Variants in IL1RAPL1 observed in about 807,000 individuals in gnomAD.
The protein encoded by IL1RAPL1 is interleukin-1 receptor accessory protein-like 1.
IL1RAPL1 carries 3 observed loss-of-function variants against 48.4 expected under a neutral mutation model. The ratio of observed to expected loss-of-function variants is 0.06; its 90% CI spans 0.03 to 0.16. The LOEUF (loss-of-function observed/expected upper bound fraction) is 0.16. Among genes scored for constraint, IL1RAPL1 ranks in the 10% least tolerant of loss-of-function variants. The pLI, the probability that IL1RAPL1 is intolerant of heterozygous loss-of-function variation, is 1.00. For missense variants in IL1RAPL1, 349 were observed against 530.6 expected (o/e 0.66, Z 3.36); for synonymous variants, 185 against 187.7 (o/e 0.99, Z 0.12).
intron 5 of IL1RAPL1, among the ~76,000 whole-genome samples, chrX:29,662,932 C>T (rs1438961932): frequency 8.9e-6 from 1 of 111,761 alleles, no homozygotes; most frequent in Non-Finnish European, 1.9e-5. Flanking sequence ...TGTTGCCAAC[C>T]CCAAAGCATT....
At chrX:29,920,815 AAAAGAAAAGAAAAG>A (rs1932840924) in intron 8 of IL1RAPL1, among the ~76,000 whole-genome samples, 1 of 98,686 alleles carries the variant, frequency 1.0e-5, no homozygotes, top group Non-Finnish European at 2.0e-5. Flanking sequence ...AAAAAAAAAA[AAAAGAAAAGAAAAG>A]AAAGAAAAGA....
chrX:29,352,611 AC>A (rs1025269839), intron 3 of IL1RAPL1, among the ~76,000 whole-genome samples: 1 of 53,883 alleles, frequency 1.9e-5, no homozygotes, highest in Non-Finnish European at 3.6e-5. Context: ...CCAAGCCCCC[AC>A]CCCCCATCCC....
intron 1 of IL1RAPL1, among the ~76,000 whole-genome samples, chrX:28,775,901 G>A (rs980950459): frequency 8.9e-6 from 1 of 112,060 alleles, no homozygotes; most frequent in Non-Finnish European, 1.9e-5. Flanking sequence ...CTAAGTTACA[G>A]ACAACTTCTT....
At chrX:29,934,448 T>C (rs1932996077) in intron 8 of IL1RAPL1, among the ~76,000 whole-genome samples, 1 of 112,133 alleles carries the variant, frequency 8.9e-6, no homozygotes, top group Admixed American at 9.5e-5. Context: ...AATACAAAGG[T>C]AATCAACCTG....
chrX:29,178,968 T>C (rs1225519296), intron 2 of IL1RAPL1, among the ~76,000 whole-genome samples: 1 of 112,055 alleles, frequency 8.9e-6, no homozygotes, highest in African/African-American at 3.2e-5. Context: ...TCTGTTTTGA[T>C]ACCAGTACCA....
intron 6 of IL1RAPL1, among the ~76,000 whole-genome samples, chrX:29,696,784 A>T (rs1436543269): frequency 3.6e-5 from 4 of 110,094 alleles, no homozygotes; most frequent in Non-Finnish European, 7.6e-5. Context: ...AATAATAACA[A>T]TCGCCTTTTT....
At chrX:29,704,686 A>C (rs1213269361) in intron 6 of IL1RAPL1, among the ~76,000 whole-genome samples, 2 of 111,586 alleles carry the variant, frequency 1.8e-5, no homozygotes, top group East Asian at 5.6e-4. Flanking sequence ...AAAGAAAAAA[A>C]AGAAATAGAA....
chrX:28,986,822 A>G (rs956273609), intron 2 of IL1RAPL1, among the ~76,000 whole-genome samples: 3 of 112,163 alleles, frequency 2.7e-5, no homozygotes, highest in Non-Finnish European at 5.6e-5. Context: ...AGTATAGTCA[A>G]TTGGTATTAT....
intron 2 of IL1RAPL1, among the ~76,000 whole-genome samples, chrX:28,995,777 AAAAG>A (rs750513972): frequency 9.0e-6 from 1 of 110,795 alleles, no homozygotes; most frequent in Non-Finnish European, 1.9e-5. Flanking sequence ...GGTAGTGGCA[AAAAG>A]AAAGAATGTC....
chrX:29,190,462 G>T (rs1391142640), intron 2 of IL1RAPL1, among the ~76,000 whole-genome samples: 1 of 112,028 alleles, frequency 8.9e-6, no homozygotes, highest in African/African-American at 3.2e-5. Flanking sequence ...AACTTATGTT[G>T]GTGTTAAGGA....
chrX:28,910,773 TAAAA>T (rs1215950499), intron 2 of IL1RAPL1, among the ~76,000 whole-genome samples: 6 of 102,489 alleles, frequency 5.9e-5, no homozygotes, highest in African/African-American at 2.1e-4. Flanking sequence ...GTAGCTGCAT[TAAAA>T]AAAAAAACAC....
At chrX:29,143,235 A>G (rs1215580884) in intron 2 of IL1RAPL1, among the ~76,000 whole-genome samples, 3 of 111,329 alleles carry the variant, frequency 2.7e-5, no homozygotes, top group Non-Finnish European at 3.8e-5. Context: ...AAATTATGTA[A>G]CAAAATGAAA....
intron 6 of IL1RAPL1, among the ~76,000 whole-genome samples, chrX:29,846,665 C>A (rs1931251766): frequency 9.2e-6 from 1 of 108,433 alleles, no homozygotes; most frequent in Non-Finnish European, 1.9e-5. Flanking sequence ...TACTTTATTT[C>A]TTTTAGCATT....
intron 5 of IL1RAPL1, among the ~76,000 whole-genome samples, chrX:29,427,066 A>G (rs779182678): frequency 6.8e-4 from 76 of 111,495 alleles, no homozygotes; most frequent in Non-Finnish European, 1.1e-3. Flanking sequence ...CAAAATATTA[A>G]GAACATTTTC....
At chrX:29,738,560 C>T (rs1928113040) in intron 6 of IL1RAPL1, among the ~76,000 whole-genome samples, 1 of 107,995 alleles carries the variant, frequency 9.3e-6, no homozygotes, top group African/African-American at 3.4e-5. Flanking sequence ...ATCTTCCCAC[C>T]TCAGCCTACT....
chrX:28,915,486 G>A (rs760603415), intron 2 of IL1RAPL1, among the ~76,000 whole-genome samples: 3 of 111,768 alleles, frequency 2.7e-5, no homozygotes, highest in African/African-American at 6.5e-5. Context: ...TAAAAATAAC[G>A]TTTATTGAAT....
intron 5 of IL1RAPL1, among the ~76,000 whole-genome samples, chrX:29,555,777 A>G (rs1284248477): frequency 1.8e-5 from 2 of 112,293 alleles, no homozygotes; most frequent in African/African-American, 6.5e-5. Flanking sequence ...GACAAATTCA[A>G]TGATCCATAT....
At chrX:29,112,286 T>C (rs1928587141) in intron 2 of IL1RAPL1, among the ~76,000 whole-genome samples, 1 of 112,021 alleles carries the variant, frequency 8.9e-6, no homozygotes, top group African/African-American at 3.2e-5. Flanking sequence ...TTAAATATTA[T>C]CAAATTTATT....
At chrX:28,720,601 A>AT (rs1233056141) in intron 1 of IL1RAPL1, among the ~76,000 whole-genome samples, 45 of 111,024 alleles carry the variant, frequency 4.1e-4, no homozygotes, top group Middle Eastern at 4.7e-3. Context: ...AAAATGACTG[A>AT]TTTTTTTTTA....
Sources: allele counts gnomAD v4.1 joint callset (sites outside exome capture counted in the v4.1 genomes callset), GRCh38; gene constraint gnomAD v4.1.1; transcripts MANE v1.5; gene names NCBI Gene and HGNC (gene_info 2026-07-23, HGNC 2026-07-21).